Variants in ERAP1 observed in about 807,000 individuals in gnomAD.
ERAP1 encodes adipocyte-derived leucine aminopeptidase.
ERAP1 carries 86 observed loss-of-function variants against 103.7 expected under a neutral mutation model. The observed-to-expected ratio is 0.83, with a 90% CI of 0.70 to 0.99. The LOEUF (loss-of-function observed/expected upper bound fraction) is 0.99. Among genes scored for constraint, ERAP1 ranks in the 50% least tolerant of loss-of-function variants. The probability of loss-of-function intolerance (pLI) is 0.00; values close to 1 mark genes in which losing one functional copy is unlikely to be tolerated. For missense variants in ERAP1, 1,009 were observed against 1,128.4 expected, an observed-to-expected ratio of 0.89 and a Z score of 1.52; for synonymous variants, 398 against 402.4, an observed-to-expected ratio of 0.99 and a Z score of 0.13.
At chr5:96,815,692 ACACT>A in the ERAP1 span, among the ~76,000 whole-genome samples, 89 of 151,994 alleles carry the variant, frequency 5.9e-4, no homozygotes, top group African/African-American at 2.1e-3. Context: ...GATTACAGAC[ACACT>A]CAGCCATTAA....
At chr5:96,822,811 T>C in the ERAP1 span, 1 of 261,154 alleles carries the variant, frequency 3.8e-6, no homozygotes, top group African/African-American at 2.3e-5. Flanking sequence ...ACAAATTCAA[T>C]AGCTTAACAC....
At chr5:96,863,643 A>G in the ERAP1 span, among the ~76,000 whole-genome samples, 122 of 152,136 alleles carry the variant, frequency 8.0e-4, 1 homozygote, top group African/African-American at 2.8e-3. Flanking sequence ...AGATTCACCC[A>G]TGGTCACGAC....
chr5:96,853,202 T>C, the ERAP1 span, among the ~76,000 whole-genome samples: 1 of 152,156 alleles, frequency 6.6e-6, no homozygotes, highest in Non-Finnish European at 1.5e-5. Context: ...AGCCTTTAGG[T>C]CCAAAAACCT....
the ERAP1 span, among the ~76,000 whole-genome samples, chr5:96,899,604 T>C: frequency 6.6e-6 from 1 of 152,216 alleles, no homozygotes; most frequent in African/African-American, 2.4e-5. Context: ...TCTTATTTTA[T>C]TCCCAGTTAG....
the ERAP1 span, among the ~76,000 whole-genome samples, chr5:96,820,790 C>T: frequency 2.6e-5 from 4 of 152,278 alleles, no homozygotes; most frequent in East Asian, 7.7e-4. Flanking sequence ...TCAGCTCCCT[C>T]AGATTCAGAG....
chr5:96,771,648 C>A (rs547406560), downstream of ERAP1: 4 of 1,611,576 alleles, frequency 2.5e-6, no homozygotes, highest in Admixed American at 3.3e-5. Context: ...TTTTAGACAA[C>A]AGAGGAAACT....
the ERAP1 span, among the ~76,000 whole-genome samples, chr5:96,844,665 C>T: frequency 1.3e-5 from 2 of 152,150 alleles, no homozygotes; most frequent in Non-Finnish European, 2.9e-5. Context: ...CTCTGAGCAA[C>T]CAGATGGTAG....
chr5:96,901,139 C>T, the ERAP1 span, among the ~76,000 whole-genome samples: 75,898 of 151,886 alleles, frequency 0.5, 19,142 homozygotes, highest in Middle Eastern at 0.57. Flanking sequence ...CGTAAACCAC[C>T]CCTCCTGGAT....
the ERAP1 span, among the ~76,000 whole-genome samples, chr5:96,848,150 G>C: frequency 6.6e-6 from 1 of 152,182 alleles, no homozygotes; most frequent in African/African-American, 2.4e-5. Context: ...CCAGGTTCAA[G>C]TGATTCTCCT....
At chr5:96,883,781 T>C in the ERAP1 span, 1 of 1,608,274 alleles carries the variant, frequency 6.2e-7, no homozygotes, top group Non-Finnish European at 8.5e-7. Context: ...TGGGGGTGGG[T>C]CTTTTCACAG....
the ERAP1 span, among the ~76,000 whole-genome samples, chr5:96,842,266 T>C: frequency 2.0e-5 from 3 of 152,230 alleles, no homozygotes; most frequent in Non-Finnish European, 2.9e-5. Flanking sequence ...AAGTGTCTTT[T>C]TCATATAACG....
At chr5:96,763,053 C>T (rs1262935202) in exon 20 of ERAP1, 2 of 757,076 alleles carry the variant, frequency 2.6e-6, no homozygotes, top group Admixed American at 1.7e-5. Context: ...TTGCCCTAAA[C>T]CAGATCCCCA....
At chr5:96,888,683 A>G in the ERAP1 span, among the ~76,000 whole-genome samples, 1 of 152,190 alleles carries the variant, frequency 6.6e-6, no homozygotes, top group Non-Finnish European at 1.5e-5. Flanking sequence ...CTTGATAGCT[A>G]ATTTCTTTGG....
At chr5:96,781,905 T>C (rs1169960359) in intron 15 of ERAP1, 51 bp from the exon 16 acceptor site, 2 of 1,587,688 alleles carry the variant, frequency 1.3e-6, no homozygotes, top group Non-Finnish European at 8.6e-7. Flanking sequence ...TAAGTATGTT[T>C]AGAGGCATAA....
the ERAP1 span, among the ~76,000 whole-genome samples, chr5:96,830,013 A>G: frequency 7.2e-5 from 11 of 152,198 alleles, no homozygotes; most frequent in African/African-American, 2.2e-4. Flanking sequence ...AAATGCATCA[A>G]AGAGTTAACA....
chr5:96,857,152 A>G, the ERAP1 span, among the ~76,000 whole-genome samples: 1 of 152,194 alleles, frequency 6.6e-6, no homozygotes, highest in South Asian at 2.1e-4. Context: ...ACTCTTTGCC[A>G]GGCTAACTGC....
intron 5 of ERAP1, among the ~76,000 whole-genome samples, chr5:96,794,345 C>T (rs891012812): frequency 6.6e-5 from 10 of 150,488 alleles, no homozygotes; most frequent in African/African-American, 2.4e-4. Flanking sequence ...TGCACCTCCA[C>T]ACTCAGCTAA....
At chr5:96,892,533 A>C in the ERAP1 span, 1 of 1,533,208 alleles carries the variant, frequency 6.5e-7, no homozygotes, top group Non-Finnish European at 8.9e-7. Flanking sequence ...CCTGAAACAA[A>C]ATAAATCATC....
chr5:96,881,258 T>C, the ERAP1 span: 6 of 375,756 alleles, frequency 1.6e-5, no homozygotes, highest in Middle Eastern at 6.3e-4. Flanking sequence ...GAGTAATCAA[T>C]TGGGAGGTCA....
Sources: allele counts gnomAD v4.1 joint callset (sites outside exome capture counted in the v4.1 genomes callset), GRCh38; gene constraint gnomAD v4.1.1; transcripts MANE v1.5; gene names NCBI Gene and HGNC (gene_info 2026-07-23, HGNC 2026-07-21).